IQCM: variants seen among roughly 807,000 people sequenced by gnomAD.
The protein encoded by IQCM is IQ motif containing M.
In IQCM, 45 loss-of-function variants were observed where a neutral mutation model predicts 57.6. The observed-to-expected ratio is 0.78, with a 90% CI of 0.62 to 1.00. IQCM has a LOEUF of 1.00. IQCM is among the 50% of genes least tolerant of loss of function. The pLI, the probability that IQCM is intolerant of heterozygous loss-of-function variation, is 0.00. For missense variants in IQCM, 468 were observed against 511.6 expected (o/e 0.91, Z 0.82); for synonymous variants, 148 against 158.9 (o/e 0.93, Z 0.51).
At chr4:149,633,689 C>G in intron 7 of IQCM, among the ~76,000 whole-genome samples, 1 of 152,198 alleles carries the variant, frequency 6.6e-6, no homozygotes. Context: ...GTCTTACTAA[C>G]TACTATGTCC....
chr4:149,574,252 T>G (rs1180930973), intron 9 of IQCM, among the ~76,000 whole-genome samples: 1 of 151,984 alleles, frequency 6.6e-6, no homozygotes, highest in African/African-American at 2.4e-5. Context: ...AATTTATCTT[T>G]CTTTACCATA....
At chr4:149,576,353 TCCACGTGTAC>T (rs1270878585) in intron 9 of IQCM, among the ~76,000 whole-genome samples, 1 of 151,830 alleles carries the variant, frequency 6.6e-6, no homozygotes, top group East Asian at 1.9e-4. Flanking sequence ...CTTCCTTGTA[TCCACGTGTAC>T]CCAATATTTA....
chr4:149,416,505 A>T (rs1049867382), intron 13 of IQCM, among the ~76,000 whole-genome samples: 4 of 152,032 alleles, frequency 2.6e-5, no homozygotes, highest in African/African-American at 9.7e-5. Context: ...GAGTAGCCTG[A>T]AAAACAGTAA....
intron 13 of IQCM, among the ~76,000 whole-genome samples, chr4:149,385,033 T>A (rs568493077): frequency 6.6e-6 from 1 of 152,072 alleles, no homozygotes; most frequent in African/African-American, 2.4e-5. Flanking sequence ...ATTGAGGTGA[T>A]GATGAGGTGG....
chr4:149,554,374 G>A (rs4835589), intron 10 of IQCM, among the ~76,000 whole-genome samples: 23,650 of 151,370 alleles, frequency 0.16, 2,191 homozygotes, highest in South Asian at 0.33. Context: ...ACGGAGTCTC[G>A]GTCTGTTACT....
At chr4:149,466,025 C>A (rs142284519) in intron 12 of IQCM, among the ~76,000 whole-genome samples, 1 of 152,268 alleles carries the variant, frequency 6.6e-6, no homozygotes, top group Non-Finnish European at 1.5e-5. Context: ...AAAAAGCACA[C>A]TGATTAATAG....
chr4:149,551,807 T>C (rs753499192), intron 11 of IQCM, among the ~76,000 whole-genome samples: 21 of 152,160 alleles, frequency 1.4e-4, no homozygotes, highest in Non-Finnish European at 2.5e-4. Context: ...TCTCACTCTC[T>C]CTCTCGGTTC....
intron 12 of IQCM, among the ~76,000 whole-genome samples, chr4:149,451,459 GCACC>G (rs771230007): frequency 5.3e-5 from 8 of 151,500 alleles, no homozygotes; most frequent in Non-Finnish European, 7.4e-5. Flanking sequence ...ATCAATATAT[GCACC>G]TACTATTTGC....
chr4:149,797,682 G>A (rs114073710), intron 2 of IQCM, among the ~76,000 whole-genome samples: 1 of 151,610 alleles, frequency 6.6e-6, no homozygotes, highest in Non-Finnish European at 1.5e-5. Context: ...AAAGCAGCAA[G>A]AGAAAAGAAA....
chr4:149,634,236 C>T (rs577337970), intron 7 of IQCM, among the ~76,000 whole-genome samples: 2 of 152,160 alleles, frequency 1.3e-5, no homozygotes, highest in East Asian at 3.9e-4. Flanking sequence ...CTCAAACTCC[C>T]AAACTCAAGT....
intron 7 of IQCM, among the ~76,000 whole-genome samples, chr4:149,628,546 A>T (rs1757001810): frequency 6.6e-6 from 1 of 152,152 alleles, no homozygotes; most frequent in African/African-American, 2.4e-5. Flanking sequence ...ATTATAGATT[A>T]AAGAGCACAA....
rs149498260 is a variant in IQCM at position 149,600,446 on chromosome 4, G to A, written c.682-12449C>T. Among the ~76,000 whole-genome samples, 9 of 152,168 alleles carry A rather than the reference G, an allele frequency of 5.9e-5. No homozygotes were observed. The South Asian group carries it at 8.3e-4, about 14-fold the overall frequency. ...AGAAAGTTAAATTGGGGATACAGGC[G>A]GGAAGTTTTTAATCTATGAAAATAG... On this transcript the variant is annotated intron_variant, in intron 8 of 13. Coordinates refer to ENST00000636793, the MANE Select transcript of IQCM (RefSeq NM_001363507.2).
At chr4:149,591,946 A>G (rs1383236021) in intron 8 of IQCM, among the ~76,000 whole-genome samples, 1 of 152,190 alleles carries the variant, frequency 6.6e-6, no homozygotes, top group Non-Finnish European at 1.5e-5. Flanking sequence ...AGCATGATTT[A>G]TAGTCCTTTG....
intron 2 of IQCM, among the ~76,000 whole-genome samples, chr4:149,766,713 T>C (rs1023760275): frequency 7.2e-5 from 11 of 152,162 alleles, no homozygotes; most frequent in African/African-American, 2.7e-4. Flanking sequence ...ATGACCCAAC[T>C]GTTACTATTT....
chr4:149,760,581 A>C (rs1769410458), intron 2 of IQCM, among the ~76,000 whole-genome samples: 1 of 152,118 alleles, frequency 6.6e-6, no homozygotes, highest in Admixed American at 6.6e-5. Flanking sequence ...CATGTGCTGG[A>C]AAATGCCTTT....
Position 149,399,575 on chromosome 4 carries a change from A to G in IQCM, c.1390+33821T>C, listed in dbSNP as rs923797799. On this transcript the variant is annotated intron_variant, in intron 13 of 13. Coordinates refer to ENST00000636793, the MANE Select transcript of IQCM (RefSeq NM_001363507.2). ...TAAAAATAGATGAAAGGCATTTGTAATTACATTTTTTAAAAGTACCATTTC... is the reference window on the plus strand; with the variant it reads ...TAAAAATAGATGAAAGGCATTTGTAGTTACATTTTTTAAAAGTACCATTTC... Among the ~76,000 whole-genome samples, 3 of 152,092 alleles carry G rather than the reference A, an allele frequency of 2.0e-5. No homozygotes were observed. In the East Asian group the frequency reaches 5.8e-4, roughly 29 times the overall value.
At chr4:149,395,757 T>C (rs1732178683) in intron 13 of IQCM, among the ~76,000 whole-genome samples, 1 of 152,054 alleles carries the variant, frequency 6.6e-6, no homozygotes, top group Non-Finnish European at 1.5e-5. Flanking sequence ...AAATGCTGGC[T>C]GTTATAATTA....
At chr4:149,788,482 A>G (rs956745881) in intron 2 of IQCM, among the ~76,000 whole-genome samples, 6 of 152,262 alleles carry the variant, frequency 3.9e-5, no homozygotes, top group African/African-American at 1.4e-4. Context: ...CTGCATAAAA[A>G]GACACAAAAT....
At chr4:149,643,775 C>T (rs1476290340) in intron 7 of IQCM, among the ~76,000 whole-genome samples, 1 of 152,116 alleles carries the variant, frequency 6.6e-6, no homozygotes, top group Non-Finnish European at 1.5e-5. Flanking sequence ...TTGTTTAATA[C>T]TGTGGCCTTT....
Sources: gnomAD v4.1 joint callset for allele counts (sites outside exome capture counted in the v4.1 genomes callset) on GRCh38, gnomAD v4.1.1 for gene constraint, MANE v1.5 for transcripts, NCBI Gene and HGNC (gene_info 2026-07-23, HGNC 2026-07-21) for gene names.